The following AHNAK variants were observed in gnomAD, a reference collection of about 807,000 sequenced individuals.
AHNAK encodes AHNAK nucleoprotein, also known as neuroblast differentiation-associated protein AHNAK.
A neutral mutation model predicts 37.8 loss-of-function variants in AHNAK; 23 were observed. The observed-to-expected ratio is 0.61, with a 90% CI of 0.44 to 0.86. AHNAK has a LOEUF of 0.86. Ranked by LOEUF, AHNAK falls within the 40% of genes least tolerant of loss-of-function variation. The probability of loss-of-function intolerance (pLI) is 0.00; values close to 1 mark genes in which losing one functional copy is unlikely to be tolerated. For synonymous variants in AHNAK, 2,481 were observed against 2,636.3 expected, an observed-to-expected ratio of 0.94 and a Z score of 1.80; for missense variants, 7,411 against 7,319.4, an observed-to-expected ratio of 1.01 and a Z score of -0.46.
chr11:62,449,566 AC>A (rs1938490292), intron 5 of AHNAK, among the ~76,000 whole-genome samples: 1 of 152,112 alleles, frequency 6.6e-6, no homozygotes, highest in Non-Finnish European at 1.5e-5. Flanking sequence ...CTGGTAGTGC[AC>A]CCTATTCTTC....
At chr11:62,511,196 T>G (rs943122069), downstream of AHNAK, among the ~76,000 whole-genome samples, 2 of 151,950 alleles carry the variant, frequency 1.3e-5, no homozygotes. Flanking sequence ...GCCTTGCTTT[T>G]GACCCCAAAC....
intron 5 of AHNAK, among the ~76,000 whole-genome samples, chr11:62,471,030 G>A (rs2513041): frequency 0.19 from 28,820 of 152,052 alleles, 7,859 homozygotes; most frequent in African/African-American, 0.61. Context: ...ATACCAATAC[G>A]AAAGAAGGCT....
chr11:62,462,448 T>G (rs891925020), intron 5 of AHNAK, among the ~76,000 whole-genome samples: 3 of 152,172 alleles, frequency 2.0e-5, no homozygotes, highest in African/African-American at 7.2e-5. Flanking sequence ...CAACGTTCCT[T>G]TGCCACAGGA....
At position 62,529,109 on chromosome 11, in the gene AHNAK, T is replaced by C; in HGVS notation, c.5308A>G (p.Lys1770Glu). ...GCTTTTATATTCAACTTGGGCATCTTAAATTTGGAGCCTTTCAACTTTCCT... is the reference window on the plus strand; with the variant it reads ...GCTTTTATATTCAACTTGGGCATCTCAAATTTGGAGCCTTTCAACTTTCCT... ...PEGKLKGSKF[K>E]MPKLNIKAPK... Residue 1770 changes from lysine (K) to glutamate (E), a missense_variant, in exon 5 of 5, where the codon AAG becomes GAG. By Grantham distance (56) the Lys-to-Glu change is moderately conservative (BLOSUM62 1). Transcript: ENST00000378024. 6.2e-7 allele frequency: 1 copy of C among 1,614,160 alleles called. No homozygotes were observed.
At position 62,516,607 on chromosome 11, in the gene AHNAK, G is replaced by A; in HGVS notation, c.*137C>T. The A allele has an allele frequency of 6.7e-7, 1 of 1,482,484 alleles. No individual in the cohort carries two copies. Among genetic ancestry groups the A allele is most frequent in the Non-Finnish European group, 8.9e-7 (1 of 1,127,268 alleles). 91.8% of individuals were successfully genotyped at this position (1,482,484 alleles called of 1,614,324 possible). A position where few individuals can be genotyped will look rare whatever the true frequency, so the allele number is the denominator to read the frequency against. On this transcript the variant is annotated 3_prime_UTR_variant, in exon 5 of 5. Transcript: ENST00000378024. Reference sequence around the variant, plus strand: ...ACAGGCGGTCGGTTTTTCAGCGCTTGCCACCGGGCCAGGCAAGGTCTTTGC... The same window carrying A: ...ACAGGCGGTCGGTTTTTCAGCGCTTACCACCGGGCCAGGCAAGGTCTTTGC...
chr11:62,493,307 C>T (rs886760413), intron 4 of AHNAK, among the ~76,000 whole-genome samples: 13 of 149,406 alleles, frequency 8.7e-5, no homozygotes, highest in Admixed American at 7.4e-4. Context: ...AGACATCATG[C>T]TCGGCCTGTT....
intron 5 of AHNAK, among the ~76,000 whole-genome samples, chr11:62,479,295 G>A (rs983740143): frequency 2.0e-5 from 3 of 150,902 alleles, no homozygotes; most frequent in Non-Finnish European, 1.5e-5. Flanking sequence ...GGCCTCCCGA[G>A]TAGCTGGGAT....
rs749359761 is a variant in AHNAK at position 62,528,317 on chromosome 11, C to T, written c.6100G>A (p.Ala2034Thr). ...GGGCCATGAACATCCACATCTGGGGCATCAATGTCCATTTTGGGTCCTTTG... is the reference window on the plus strand; with the variant it reads ...GGGCCATGAACATCCACATCTGGGGTATCAATGTCCATTTTGGGTCCTTTG... The part of the protein sequence containing the change: ...DIKGPKMDID[A>T]PDVDVHGPDW... The change falls in exon 5 of 5, where the codon GCC becomes ACC. Residue 2034 changes from alanine (A) to threonine (T), a missense_variant. Physicochemically the swap from Ala to Thr is moderately conservative, Grantham distance 58. Coordinates refer to ENST00000378024, the MANE Select transcript of AHNAK (RefSeq NM_001620.3). The T allele has an allele frequency of 5.4e-5, 87 of 1,614,074 alleles. No individual in the cohort carries two copies. The South Asian group carries it at 9.0e-4, about 17-fold the overall frequency.
At chr11:62,515,772 G>A (rs75651749), downstream of AHNAK, 4,029 of 572,040 alleles carry the variant, frequency 7.0e-3, 23 homozygotes, top group Middle Eastern at 0.021. Flanking sequence ...CCTCCCGAAG[G>A]TCACTGTCTT....
chr11:62,518,885 G>A lies in AHNAK; in HGVS notation c.15532C>T (p.Leu5178=). The A allele has an allele frequency of 6.2e-7, 1 of 1,614,208 alleles. No individual in the cohort carries two copies. The highest frequency in any genetic ancestry group is 1.1e-5 in the South Asian group (1 of 91,084). ...GACGGTGTTTTGACTTTAGCATCTA[G>A]GCCTTCGATGTTGATGTCAGGTGCA... is the stretch of plus-strand genomic sequence containing the variant. ...LGAPDINIEG[L]DAKVKTPSFG... Residue 5178 remains leucine, a synonymous_variant, in exon 5 of 5, where the codon CTA becomes TTA. Coordinates refer to ENST00000378024, the MANE Select transcript of AHNAK (RefSeq NM_001620.3).
intron 5 of AHNAK, among the ~76,000 whole-genome samples, chr11:62,467,339 A>G (rs1938933443): frequency 6.6e-6 from 1 of 152,218 alleles, no homozygotes; most frequent in African/African-American, 2.4e-5. Context: ...ATACCCTATA[A>G]ATGCCTTAAA....
At chr11:62,491,778 T>C (rs1447752249) in exon 5 of AHNAK, 12 of 1,613,114 alleles carry the variant, frequency 7.4e-6, no homozygotes, top group South Asian at 1.1e-5. Flanking sequence ...GGCTGCTGGC[T>C]TCCTTCTGTT....
At chr11:62,538,313 C>T (rs142527220) in intron 1 of AHNAK, among the ~76,000 whole-genome samples, 4 of 152,306 alleles carry the variant, frequency 2.6e-5, no homozygotes, top group African/African-American at 9.6e-5. Context: ...AGGCCCTGAG[C>T]CAGGCCCTTA....
At chr11:62,506,013 C>CAAAAAAAAA (rs10608015) in intron 4 of AHNAK, among the ~76,000 whole-genome samples, 5 of 43,070 alleles carry the variant, frequency 1.2e-4, no homozygotes, top group Admixed American at 3.7e-4. Context: ...CTGTCTCTAC[C>CAAAAAAAAA]AAAAAAAAAA....
At chr11:62,433,925 C>A in intron 5 of AHNAK, 1 of 1,609,478 alleles carries the variant, frequency 6.2e-7, no homozygotes, top group East Asian at 2.2e-5. Flanking sequence ...TTATATTCAA[C>A]ACACTATTTG....
At position 62,517,586 on chromosome 11, in the gene AHNAK, A is replaced by C; in HGVS notation, c.16831T>G (p.Ser5611Ala). Reference protein sequence around the residue: ...QVSSALNLDTSKFAGGLHFSG... With the variant: ...QVSSALNLDTAKFAGGLHFSG... ...AAATGAAGGCCCCCAGCAAACTTAGATGTGTCCAAGTTGAGAGCAGAGGAG... is the reference window on the plus strand; with the variant it reads ...AAATGAAGGCCCCCAGCAAACTTAGCTGTGTCCAAGTTGAGAGCAGAGGAG... The change falls in exon 5 of 5, where the codon TCT (serine) becomes GCT (alanine). Residue 5611 changes from serine to alanine, a missense_variant. Coordinates refer to ENST00000378024, the MANE Select transcript of AHNAK (RefSeq NM_001620.3). The C allele has an allele frequency of 6.2e-7, 1 of 1,614,114 alleles. No individual in the cohort carries two copies.
chr11:62,505,476 G>A (rs891835910), intron 4 of AHNAK, among the ~76,000 whole-genome samples: 1 of 152,054 alleles, frequency 6.6e-6, no homozygotes, highest in Non-Finnish European at 1.5e-5. Flanking sequence ...TGGAGCAAGG[G>A]ACCTTGCCTC....
chr11:62,528,468 G>C lies in AHNAK; in HGVS notation c.5949C>G (p.His1983Gln), dbSNP rs1373122541. The C allele has an allele frequency of 2.5e-6, 4 of 1,613,334 alleles. No homozygotes were observed. Among genetic ancestry groups the C allele is most frequent in the Non-Finnish European group, 8.5e-7 (1 of 1,179,910 alleles). ...KGPKFKMPEMHFKTPKISMPD... is the reference protein window; with the variant it reads ...KGPKFKMPEMQFKTPKISMPD... ...GCATGGAGATCTTGGGGGTCTTGAAGTGCATCTCAGGCATCTTAAACTTGG... is the reference window on the plus strand; with the variant it reads ...GCATGGAGATCTTGGGGGTCTTGAACTGCATCTCAGGCATCTTAAACTTGG... Residue 1983 changes from histidine (H) to glutamine (Q), a missense_variant, in exon 5 of 5, where the codon CAC becomes CAG. Transcript: ENST00000378024.
chr11:62,460,138 A>AT (rs1399479652), intron 5 of AHNAK, among the ~76,000 whole-genome samples: 2 of 150,476 alleles, frequency 1.3e-5, no homozygotes, highest in African/African-American at 4.9e-5. Context: ...AAAAAAAAAA[A>AT]GAGCTGGGCG....
Sources: allele counts gnomAD v4.1 joint callset (sites outside exome capture counted in the v4.1 genomes callset), GRCh38; gene constraint gnomAD v4.1.1; transcripts MANE v1.5; gene names NCBI Gene and HGNC (gene_info 2026-07-23, HGNC 2026-07-21).